ARHGEF3: variants seen among roughly 807,000 people sequenced by gnomAD.
ARHGEF3 encodes 59.8 kDA protein.
In ARHGEF3, 28 loss-of-function variants were observed where a neutral mutation model predicts 63.2. That is an observed-to-expected ratio of 0.44 (90% CI 0.33 to 0.61). The LOEUF (loss-of-function observed/expected upper bound fraction) is 0.61, where lower values mean the gene tolerates loss of function less well. Among genes scored for constraint, ARHGEF3 ranks in the 20% least tolerant of loss-of-function variants. The pLI, the probability that ARHGEF3 is intolerant of heterozygous loss-of-function variation, is 0.03. For missense variants in ARHGEF3, 533 were observed against 659.3 expected (o/e 0.81, Z 2.10); for synonymous variants, 266 against 254.2 (o/e 1.05, Z -0.44).
chr3:56,969,998 T>C (rs1329418714), intron 2 of ARHGEF3, among the ~76,000 whole-genome samples: 1 of 152,048 alleles, frequency 6.6e-6, no homozygotes, highest in Non-Finnish European at 1.5e-5. Context: ...GACAAATCCA[T>C]AGAGTCAGAA....
At chr3:56,844,467 CA>C (rs533276274) in intron 4 of ARHGEF3, among the ~76,000 whole-genome samples, 54 of 152,078 alleles carry the variant, frequency 3.6e-4, no homozygotes, top group African/African-American at 1.3e-3. Flanking sequence ...TATTTAGAAA[CA>C]AATAAAAGAT....
intron 3 of ARHGEF3, among the ~76,000 whole-genome samples, chr3:56,948,650 C>G (rs1043259752): frequency 6.6e-6 from 1 of 151,844 alleles, no homozygotes; most frequent in Non-Finnish European, 1.5e-5. Context: ...GCTTACCAAC[C>G]AAAAAAAGTC....
intron 4 of ARHGEF3, among the ~76,000 whole-genome samples, chr3:56,808,369 C>T (rs1314548489): frequency 6.6e-6 from 1 of 151,996 alleles, no homozygotes; most frequent in Non-Finnish European, 1.5e-5. Context: ...ATTGCTTGAG[C>T]GCAGGCGTTC....
chr3:57,042,782 T>C (rs1463731054), intron 1 of ARHGEF3, among the ~76,000 whole-genome samples: 3 of 145,866 alleles, frequency 2.1e-5, no homozygotes, highest in Non-Finnish European at 3.0e-5. Flanking sequence ...CTGCAAGCTC[T>C]GCCTCCTGGG....
chr3:56,736,554 C>A (rs1473361204), intron 8 of ARHGEF3, among the ~76,000 whole-genome samples: 1 of 152,140 alleles, frequency 6.6e-6, no homozygotes, highest in Non-Finnish European at 1.5e-5. Context: ...AGATTAAATC[C>A]TTCTAATATC....
intron 1 of ARHGEF3, among the ~76,000 whole-genome samples, chr3:57,069,475 T>C (rs1705762635): frequency 6.6e-6 from 1 of 152,080 alleles, no homozygotes; most frequent in South Asian, 2.1e-4. Context: ...ATTTGAAGTT[T>C]CAAATGTAGT....
intron 4 of ARHGEF3, among the ~76,000 whole-genome samples, chr3:56,822,806 G>A (rs796217482): frequency 1.6e-4 from 24 of 147,526 alleles, no homozygotes; most frequent in African/African-American, 5.5e-4. Context: ...GTGAGCCGAG[G>A]TCATGCCACT....
chr3:56,999,464 A>C (rs1702108805), intron 2 of ARHGEF3, among the ~76,000 whole-genome samples: 1 of 152,230 alleles, frequency 6.6e-6, no homozygotes, highest in African/African-American at 2.4e-5. Context: ...ACACTGTCTT[A>C]ATTCCAAATA....
In ARHGEF3 at chr3:56,928,772, G is replaced by A. The variant is rs1470148627; in HGVS notation, c.129+30051C>T. On this transcript the variant is annotated intron_variant, in intron 3 of 12. Transcript: ENST00000338458. The stretch of plus-strand genomic sequence containing the variant: ...GCCAAGAAACAGCCAGGGTTGAGTG[G>A]GATTTAAGCCCCAGAGAGGTTGAAT... 2.0e-5 allele frequency among the ~76,000 whole-genome samples: 3 copies of A among 152,148 alleles called. No homozygotes were observed. In the East Asian group the frequency reaches 5.8e-4, roughly 29 times the overall value.
chr3:57,055,760 C>A (rs571252371), intron 1 of ARHGEF3, among the ~76,000 whole-genome samples: 9 of 152,182 alleles, frequency 5.9e-5, no homozygotes, highest in East Asian at 1.9e-4. Flanking sequence ...CCTCCAGAAG[C>A]CTCTGATTCC....
chr3:56,750,863 GA>G (rs2034697849), intron 6 of ARHGEF3, among the ~76,000 whole-genome samples, 192 bp downstream of exon 6: 1 of 150,608 alleles, frequency 6.6e-6, no homozygotes, highest in Admixed American at 6.6e-5. Flanking sequence ...TTTGTAATAA[GA>G]AAAAAACTAT....
At chr3:56,838,101 A>G in intron 4 of ARHGEF3, among the ~76,000 whole-genome samples, 1 of 152,216 alleles carries the variant, frequency 6.6e-6, no homozygotes, top group East Asian at 1.9e-4. Context: ...ATCATACTCC[A>G]TGGGCTAAAT....
At chr3:57,002,401 T>C (rs2107031081) in intron 2 of ARHGEF3, among the ~76,000 whole-genome samples, 1 of 134,046 alleles carries the variant, frequency 7.5e-6, no homozygotes, top group African/African-American at 2.8e-5. Flanking sequence ...GCACTTATTA[T>C]ATGCCAGGCA....
intron 7 of ARHGEF3, among the ~76,000 whole-genome samples, chr3:56,741,619 T>C (rs1366989525): frequency 2.1e-5 from 3 of 141,772 alleles, no homozygotes; most frequent in African/African-American, 7.9e-5. Context: ...TTCTCCTGCC[T>C]CAGCCTCCCA....
chr3:56,776,578 A>C (rs547221194), intron 1 of ARHGEF3, among the ~76,000 whole-genome samples: 9 of 152,342 alleles, frequency 5.9e-5, no homozygotes, highest in African/African-American at 2.2e-4. Flanking sequence ...AAGATTAAAA[A>C]AATTCCTGGC....
chr3:56,953,259 T>C (rs576748907), intron 3 of ARHGEF3, among the ~76,000 whole-genome samples: 1 of 152,334 alleles, frequency 6.6e-6, no homozygotes, highest in Admixed American at 6.5e-5. Context: ...CTTTACTGAG[T>C]TGTGAATTTC....
intron 1 of ARHGEF3, among the ~76,000 whole-genome samples, chr3:56,792,352 T>G (rs2037132048): frequency 6.6e-6 from 1 of 152,254 alleles, no homozygotes; most frequent in Admixed American, 6.5e-5. Context: ...AACACTAGGG[T>G]ATTTCTGTTT....
intron 4 of ARHGEF3, among the ~76,000 whole-genome samples, chr3:56,820,164 A>T (rs191110891): frequency 1.3e-4 from 20 of 152,248 alleles, no homozygotes; most frequent in African/African-American, 4.6e-4. Flanking sequence ...CTACCAGTTT[A>T]ATGGTCAATT....
At chr3:56,763,345 A>C (rs9868389) in intron 2 of ARHGEF3, among the ~76,000 whole-genome samples, 152,252 of 152,252 alleles carry the variant, frequency 1, 76,126 homozygotes, top group Non-Finnish European at 1. Flanking sequence ...TGCTTTCATT[A>C]ATTAGCAAAC....
Sources: allele counts gnomAD v4.1 joint callset (sites outside exome capture counted in the v4.1 genomes callset), GRCh38; gene constraint gnomAD v4.1.1; transcripts MANE v1.5; gene names NCBI Gene and HGNC (gene_info 2026-07-23, HGNC 2026-07-21).